Variants in DNAAF11 observed in about 807,000 individuals in gnomAD.
DNAAF11 encodes the protein dynein axonemal assembly factor 11.
A neutral mutation model predicts 60.8 loss-of-function variants in DNAAF11; 45 were observed. The observed-to-expected ratio is 0.74, with a 90% CI of 0.58 to 0.95. The LOEUF is 0.95. DNAAF11 is among the 40% of genes least tolerant of loss of function. DNAAF11 has a pLI of 0.00. For missense variants in DNAAF11, 546 were observed against 546.2 expected (o/e 1.00, Z 0.00); for synonymous variants, 191 against 183.5 (o/e 1.04, Z -0.33).
At chr8:132,680,969 A>G in the DNAAF11 span, among the ~76,000 whole-genome samples, 2 of 147,682 alleles carry the variant, frequency 1.4e-5, no homozygotes, top group African/African-American at 5.1e-5. Flanking sequence ...GTAATGGCAA[A>G]AACCGCAATT....
the DNAAF11 span, among the ~76,000 whole-genome samples, chr8:132,684,362 G>A: frequency 6.6e-6 from 1 of 152,214 alleles, no homozygotes; most frequent in Non-Finnish European, 1.5e-5. Flanking sequence ...CATGTATGGA[G>A]CACTGCCAAC....
chr8:132,659,160 C>A (rs1364446189), intron 2 of DNAAF11, among the ~76,000 whole-genome samples: 1 of 152,208 alleles, frequency 6.6e-6, no homozygotes, highest in African/African-American at 2.4e-5. Context: ...CACATGGCCC[C>A]TGGGCTCCCT....
intron 10 of DNAAF11, among the ~76,000 whole-genome samples, chr8:132,602,881 T>G (rs1817774754): frequency 6.6e-6 from 1 of 152,066 alleles, no homozygotes; most frequent in African/African-American, 2.4e-5. Flanking sequence ...TGGGTGTTAC[T>G]TATCCAAGAC....
Position 132,609,271 on chromosome 8 carries a change from C to T in DNAAF11, c.1140+895G>A, listed in dbSNP as rs1360100728. On this transcript the variant is annotated intron_variant, in intron 10 of 11. Coordinates refer to ENST00000620350, the MANE Select transcript of DNAAF11 (RefSeq NM_012472.6). ...ACAAACATCTGTACACTTTAAATCA[C>T]CTCCAGATTACTTACAACACCTAAT... is the stretch of plus-strand genomic sequence containing the variant. Among the ~76,000 whole-genome samples, 7 of 151,832 alleles carry T rather than the reference C, an allele frequency of 4.6e-5. No individual in the cohort carries two copies. The South Asian group carries it at 1.0e-3, about 23-fold the overall frequency.
At chr8:132,624,959 C>G (rs1480615671) in intron 6 of DNAAF11, among the ~76,000 whole-genome samples, 1 of 152,034 alleles carries the variant, frequency 6.6e-6, no homozygotes, top group Non-Finnish European at 1.5e-5. Context: ...TGACCTTTTT[C>G]TAGGCTAGAA....
At chr8:132,665,380 C>T (rs999167008) in intron 1 of DNAAF11, among the ~76,000 whole-genome samples, 5 of 152,096 alleles carry the variant, frequency 3.3e-5, no homozygotes, top group African/African-American at 9.7e-5. Flanking sequence ...GAGCATTATT[C>T]GCCTTTAGAA....
chr8:132,630,743 T>C (rs1208630211), intron 5 of DNAAF11, among the ~76,000 whole-genome samples: 1 of 152,130 alleles, frequency 6.6e-6, no homozygotes, highest in East Asian at 1.9e-4. Flanking sequence ...GATACCTGAA[T>C]AACCAATAAA....
rs145590225 is a variant in DNAAF11, at chr8:132,610,976, C to T, written c.1044+318G>A. Among the ~76,000 whole-genome samples, 143 of 152,256 alleles carry T rather than the reference C, an allele frequency of 9.4e-4. No individual in the cohort carries two copies. The East Asian group carries it at 0.026, about 28-fold the overall frequency. On this transcript the variant is annotated intron_variant, in intron 9 of 11. Coordinates refer to ENST00000620350, the MANE Select transcript of DNAAF11 (RefSeq NM_012472.6). ...GTGGGGTGATCTTAACTCACTGCAACCTCCGCCTCCCAGGTTCAAGCAATT... is the reference window on the plus strand; with the variant it reads ...GTGGGGTGATCTTAACTCACTGCAATCTCCGCCTCCCAGGTTCAAGCAATT...
At chr8:132,601,886 C>T (rs775987852) in intron 10 of DNAAF11, among the ~76,000 whole-genome samples, 5 of 151,990 alleles carry the variant, frequency 3.3e-5, no homozygotes, top group Non-Finnish European at 7.4e-5. Flanking sequence ...CAAACCTTTA[C>T]GTTGTGCACA....
At chr8:132,579,318 A>T (rs1815079265) in intron 11 of DNAAF11, among the ~76,000 whole-genome samples, 1 of 152,138 alleles carries the variant, frequency 6.6e-6, no homozygotes. Flanking sequence ...CATGAAGCAG[A>T]TTTATTACTT....
At chr8:132,581,236 C>A (rs1441024171) in intron 11 of DNAAF11, among the ~76,000 whole-genome samples, 2 of 152,110 alleles carry the variant, frequency 1.3e-5, no homozygotes. Flanking sequence ...GACCTCAGGG[C>A]AGGATGGAAT....
At chr8:132,661,351 C>T (rs1473813748) in intron 2 of DNAAF11, 109 bp downstream of exon 2, 1 of 895,056 alleles carries the variant, frequency 1.1e-6, no homozygotes, top group African/African-American at 1.7e-5. Flanking sequence ...TCTGTTTTCC[C>T]ATGGAGTTTT....
intron 11 of DNAAF11, among the ~76,000 whole-genome samples, chr8:132,580,663 A>G (rs1187998842): frequency 1.3e-5 from 2 of 152,234 alleles, no homozygotes; most frequent in African/African-American, 4.8e-5. Context: ...TTAATAAAAC[A>G]TTGGTATGCT....
At chr8:132,693,899 T>C in the DNAAF11 span, among the ~76,000 whole-genome samples, 1 of 152,178 alleles carries the variant, frequency 6.6e-6, no homozygotes, top group East Asian at 1.9e-4. Context: ...AGCCACAGCA[T>C]GTGGAGACTT....
chr8:132,670,064 A>T (rs2130877623), intron 1 of DNAAF11, among the ~76,000 whole-genome samples: 1 of 152,172 alleles, frequency 6.6e-6, no homozygotes, highest in African/African-American at 2.4e-5. Flanking sequence ...GGAATAAAGA[A>T]AGGTCTCAAA....
chr8:132,610,314 G>A (rs1818534327), intron 9 of DNAAF11, 53 bp from the exon 10 acceptor site: 1 of 1,212,998 alleles, frequency 8.2e-7, no homozygotes, highest in Admixed American at 1.7e-5. Flanking sequence ...TTACATGAGA[G>A]GGTTACTAAA....
chr8:132,663,796 C>T (rs1586733473), intron 1 of DNAAF11, among the ~76,000 whole-genome samples: 1 of 152,316 alleles, frequency 6.6e-6, no homozygotes, highest in East Asian at 1.9e-4. Context: ...GGCAGCTTCT[C>T]CAGGTTCGTT....
At chr8:132,646,730 A>C (rs1390482368) in intron 3 of DNAAF11, among the ~76,000 whole-genome samples, 1 of 152,216 alleles carries the variant, frequency 6.6e-6, no homozygotes, top group Non-Finnish European at 1.5e-5. Context: ...ACCAACAAAG[A>C]TCAAAAGAGA....
intron 10 of DNAAF11, among the ~76,000 whole-genome samples, chr8:132,609,660 C>A (rs953679323): frequency 2.0e-5 from 3 of 152,136 alleles, no homozygotes; most frequent in African/African-American, 7.2e-5. Flanking sequence ...TGAAAGTATG[C>A]TGCCCAAGTC....
Sources: gnomAD v4.1 joint callset for allele counts (sites outside exome capture counted in the v4.1 genomes callset) on GRCh38, gnomAD v4.1.1 for gene constraint, MANE v1.5 for transcripts, NCBI Gene and HGNC (gene_info 2026-07-23, HGNC 2026-07-21) for gene names.